The following DOCK5 variants were observed in gnomAD, a reference collection of about 807,000 sequenced individuals.
DOCK5 encodes dedicator of cytokinesis 5.
In DOCK5, 142 loss-of-function variants were observed where a neutral mutation model predicts 251.8. The ratio of observed to expected loss-of-function variants is 0.56; its 90% CI spans 0.49 to 0.65. The LOEUF (loss-of-function observed/expected upper bound fraction) is 0.65, where lower values mean the gene tolerates loss of function less well. Ranked by LOEUF, DOCK5 falls within the 30% of genes least tolerant of loss-of-function variation. The pLI, the probability that DOCK5 is intolerant of heterozygous loss-of-function variation, is 0.00. For synonymous variants in DOCK5, 842 were observed against 835.5 expected, an observed-to-expected ratio of 1.01 and a Z score of -0.13; for missense variants, 2,111 against 2,312.3, an observed-to-expected ratio of 0.91 and a Z score of 1.79.
At chr8:25,363,203 C>A in intron 29 of DOCK5, 62 bp downstream of exon 29, 2 of 1,414,472 alleles carry the variant, frequency 1.4e-6, no homozygotes, top group Non-Finnish European at 1.0e-6. Context: ...GCTGTGTGAA[C>A]TTTGGGAAAT....
Position 25,411,188 on chromosome 8 carries a change from C to T in DOCK5, c.5509-6C>T, listed in dbSNP as rs773277458. ...TGCTTCTAATTTTGTGTTTCTGCTT[C>T]TGCAGCTCGCTCCCCCACTGCCTGT... On this transcript the variant is annotated splice_region_variant and splice_polypyrimidine_tract_variant and intron_variant, in intron 51 of 51. Transcript: ENST00000276440. 2 of 1,559,318 alleles carry T rather than the reference C, an allele frequency of 1.3e-6. No homozygotes were observed. Among genetic ancestry groups the T allele is most frequent in the Admixed American group, 3.9e-5 (2 of 51,808 alleles).
chr8:25,408,725 G>T, intron 49 of DOCK5, 77 bp from the exon 50 acceptor site: 1 of 1,552,786 alleles, frequency 6.4e-7, no homozygotes, highest in Non-Finnish European at 8.8e-7. Context: ...CTTCTCAGAA[G>T]ACAAGGCTGT....
intron 1 of DOCK5, among the ~76,000 whole-genome samples, chr8:25,202,734 G>T (rs1384604588): frequency 1.3e-5 from 2 of 152,084 alleles, no homozygotes; most frequent in Non-Finnish European, 2.9e-5. Flanking sequence ...TCTAAATTAG[G>T]CACAGTAAGA....
Position 25,391,983 on chromosome 8 carries a change from GA to G in DOCK5, c.4440+4del. ...AGGATCCAGACAATGAATTTGCTGT[GA>G]GTTCACCCCTTTTGTCCTTTAAGAG... On this transcript the variant is annotated splice_donor_region_variant and intron_variant, in intron 43 of 51. Coordinates refer to ENST00000276440, the MANE Select transcript of DOCK5 (RefSeq NM_024940.8). 1 of 1,613,366 alleles carries G rather than the reference GA, an allele frequency of 6.2e-7. No homozygotes were observed. The highest frequency in any genetic ancestry group is 8.5e-7 in the Non-Finnish European group (1 of 1,179,592).
At chr8:25,244,051 C>G (rs868667897) in intron 2 of DOCK5, among the ~76,000 whole-genome samples, 1 of 152,154 alleles carries the variant, frequency 6.6e-6, no homozygotes, top group South Asian at 2.1e-4. Context: ...AGAGCTGGCT[C>G]GCGAGGAGAC....
intron 43 of DOCK5, 85 bp from the exon 44 acceptor site, chr8:25,392,711 G>A: frequency 8.5e-7 from 1 of 1,175,480 alleles, no homozygotes; most frequent in Non-Finnish European, 1.2e-6. Context: ...AGGGAGTCTT[G>A]CTGTTTTCCC....
At chr8:25,275,521 G>C in intron 4 of DOCK5, 80 bp downstream of exon 4, 4 of 1,392,208 alleles carry the variant, frequency 2.9e-6, no homozygotes, top group Non-Finnish European at 3.0e-6. Context: ...AGGCATTAAT[G>C]CCTTATGTAC....
intron 1 of DOCK5, among the ~76,000 whole-genome samples, chr8:25,232,324 A>C (rs923505777): frequency 6.3e-4 from 4 of 6,386 alleles, no homozygotes; most frequent in African/African-American, 5.8e-3. Context: ...AACAAGGCTG[A>C]GCTAGGAAAC....
At chr8:25,390,667 A>G (rs1478150184) in intron 42 of DOCK5, among the ~76,000 whole-genome samples, 3 of 152,148 alleles carry the variant, frequency 2.0e-5, no homozygotes, top group Non-Finnish European at 4.4e-5. Context: ...TTTTCACCCA[A>G]AAGCATCGCA....
intron 21 of DOCK5, among the ~76,000 whole-genome samples, chr8:25,335,876 G>A (rs1378834773): frequency 6.6e-6 from 1 of 152,218 alleles, no homozygotes; most frequent in Non-Finnish European, 1.5e-5. Flanking sequence ...ACTCCTGTAG[G>A]CAGGCATAAT....
rs554788816 is a variant in DOCK5 at position 25,226,565 on chromosome 8, TA to T, written c.44-17108del. 1.7e-4 allele frequency among the ~76,000 whole-genome samples: 25 copies of T among 151,382 alleles called. No homozygotes were observed. In the South Asian group the frequency reaches 5.0e-3, roughly 30 times the overall value. On this transcript the variant is annotated intron_variant, in intron 1 of 51. Transcript: ENST00000276440. ...ACCATGCCTGACGTTACCCATGTTTTATTTTTTTATTTTTTTAATTTTAAGT... is the reference window on the plus strand; with the variant it reads ...ACCATGCCTGACGTTACCCATGTTTTTTTTTTTATTTTTTTAATTTTAAGT...
At chr8:25,366,994 A>AATT (rs2117276998) in intron 31 of DOCK5, 24 bp downstream of exon 31, 1 of 1,589,540 alleles carries the variant, frequency 6.3e-7, no homozygotes, top group South Asian at 1.1e-5. Flanking sequence ...TAAAGTTAAG[A>AATT]TCGGGAAGGG....
chr8:25,313,114 C>T (rs954046210), intron 13 of DOCK5, among the ~76,000 whole-genome samples: 7 of 152,122 alleles, frequency 4.6e-5, no homozygotes, highest in African/African-American at 9.7e-5. Context: ...AGACCCAACT[C>T]CCTGGGCTCA....
intron 48 of DOCK5, among the ~76,000 whole-genome samples, chr8:25,404,911 A>G (rs770169005): frequency 2.2e-4 from 34 of 151,960 alleles, no homozygotes; most frequent in Non-Finnish European, 4.3e-4. Context: ...AATTTTACCA[A>G]TCTGATAGGT....
chr8:25,196,773 T>C (rs1801737675), intron 1 of DOCK5, among the ~76,000 whole-genome samples: 1 of 152,194 alleles, frequency 6.6e-6, no homozygotes, highest in Admixed American at 6.5e-5. Context: ...AATGACGTTA[T>C]AATGCAATGC....
rs748664904 is a variant in DOCK5, at chr8:25,410,158, C to T, written c.5464C>T (p.Pro1822Ser). 4 of 1,613,582 alleles carry T rather than the reference C, an allele frequency of 2.5e-6. No individual in the cohort carries two copies. The highest frequency in any genetic ancestry group is 1.7e-5 in the Admixed American group (1 of 59,980). ...CACTCCTGTCCCACCTCCACCTCCC[C>T]CCAAAAGCAAGCCCTATGAAGGCAG... is the stretch of plus-strand genomic sequence containing the variant. ...AATPVPPPPP[P>S]KSKPYEGSQR... The change falls in exon 51 of 52, where the codon CCC (proline) becomes TCC (serine). Residue 1822 changes from proline (P) to serine (S), a missense_variant. Around this residue, in one of 3 missense-constraint regions of DOCK5, gnomAD observed 1,717 missense variants for 1,892.4 expected, o/e 0.91. Coordinates refer to ENST00000276440, the MANE Select transcript of DOCK5 (RefSeq NM_024940.8).
chr8:25,369,476 G>A (rs1800835073), intron 33 of DOCK5, 80 bp from the exon 34 acceptor site: 4 of 1,264,746 alleles, frequency 3.2e-6, no homozygotes, highest in Non-Finnish European at 3.3e-6. Flanking sequence ...CAGCGAATGG[G>A]TTGGCCAAGT....
At chr8:25,206,721 A>G (rs751011765) in intron 1 of DOCK5, among the ~76,000 whole-genome samples, 1 of 152,200 alleles carries the variant, frequency 6.6e-6, no homozygotes, top group African/African-American at 2.4e-5. Context: ...AGCCTGGACA[A>G]TGACATATGG....
chr8:25,260,048 A>C (rs1160246778), intron 2 of DOCK5, among the ~76,000 whole-genome samples: 1 of 152,184 alleles, frequency 6.6e-6, no homozygotes, highest in African/African-American at 2.4e-5. Flanking sequence ...GGAGAGGTGC[A>C]GCCACTGTCT....
Sources: allele counts gnomAD v4.1 joint callset (sites outside exome capture counted in the v4.1 genomes callset), GRCh38; gene constraint gnomAD v4.1.1; regional missense constraint gnomAD v4.1.1; transcripts MANE v1.5; gene names NCBI Gene and HGNC (gene_info 2026-07-23, HGNC 2026-07-21).